FOXP2: variants seen among roughly 807,000 people sequenced by gnomAD.
FOXP2 encodes forkhead box P2.
A neutral mutation model predicts 115.8 loss-of-function variants in FOXP2; 12 were observed. The observed-to-expected ratio is 0.10, with a 90% CI of 0.07 to 0.17. FOXP2 has a LOEUF of 0.17. Among genes scored for constraint, FOXP2 ranks in the 10% least tolerant of loss-of-function variants. FOXP2 has a pLI of 1.00. For missense variants in FOXP2, 629 were observed against 843.5 expected, an observed-to-expected ratio of 0.75 and a Z score of 3.15; for synonymous variants, 328 against 297.7, an observed-to-expected ratio of 1.10 and a Z score of -1.05.
intron 1 of FOXP2, among the ~76,000 whole-genome samples, chr7:114,148,770 C>T (rs1398329567): frequency 6.6e-6 from 1 of 152,102 alleles, no homozygotes; most frequent in Non-Finnish European, 1.5e-5. Context: ...TCTTATGTTC[C>T]TTTTTCTTCA....
At chr7:114,220,107 G>C (rs1465100850) in intron 1 of FOXP2, among the ~76,000 whole-genome samples, 1 of 150,106 alleles carries the variant, frequency 6.7e-6, no homozygotes, top group Non-Finnish European at 1.5e-5. Context: ...CTGACCTTGT[G>C]ATCCGCCTGC....
At chr7:114,505,451 T>C (rs1357187782) in intron 2 of FOXP2, among the ~76,000 whole-genome samples, 1 of 151,524 alleles carries the variant, frequency 6.6e-6, no homozygotes, top group East Asian at 1.9e-4. Flanking sequence ...TCATTCCTTT[T>C]AATTATTTTA....
Position 114,658,794 on chromosome 7 carries a change from T to C in FOXP2, c.1468+527T>C, listed in dbSNP as rs564176264. 9.9e-5 allele frequency among the ~76,000 whole-genome samples: 15 copies of C among 152,270 alleles called. No homozygotes were observed. The Middle Eastern group carries it at 0.014, about 138-fold the overall frequency. ...TTGCATGGAACACAAATTTACCTTC[T>C]TTCCCTCTCTTACCCTTCTCCCTTC... On this transcript the variant is annotated intron_variant, in intron 11 of 16. Coordinates refer to ENST00000350908, the MANE Select transcript of FOXP2 (RefSeq NM_014491.4).
intron 2 of FOXP2, among the ~76,000 whole-genome samples, chr7:114,468,118 G>T (rs1458146914): frequency 2.0e-5 from 3 of 152,118 alleles, no homozygotes; most frequent in East Asian, 1.9e-4. Flanking sequence ...CTGTTTATGA[G>T]AATTTTCCCT....
chr7:114,183,684 A>G (rs1288992004), intron 1 of FOXP2, among the ~76,000 whole-genome samples: 5 of 152,186 alleles, frequency 3.3e-5, no homozygotes, highest in African/African-American at 9.6e-5. Flanking sequence ...TGTGTATTGT[A>G]CATGATATCA....
chr7:114,610,221 CTT>C (rs1368486225), intron 3 of FOXP2, among the ~76,000 whole-genome samples: 2 of 152,152 alleles, frequency 1.3e-5, no homozygotes, highest in Non-Finnish European at 2.9e-5. Flanking sequence ...TGTTGGGAGA[CTT>C]AGATTATTTA....
chr7:114,115,236 A>C (rs1460370616), intron 1 of FOXP2, among the ~76,000 whole-genome samples: 1 of 152,064 alleles, frequency 6.6e-6, no homozygotes, highest in Non-Finnish European at 1.5e-5. Context: ...TGCCTACCAG[A>C]ATGCAGGCAC....
chr7:114,687,144 AT>A, intron 16 of FOXP2, among the ~76,000 whole-genome samples: 1 of 152,156 alleles, frequency 6.6e-6, no homozygotes, highest in Non-Finnish European at 1.5e-5. Flanking sequence ...TTTTATATTG[AT>A]TAAGCGTTAT....
At chr7:114,564,707 C>G (rs944268076) in intron 3 of FOXP2, among the ~76,000 whole-genome samples, 2 of 151,824 alleles carry the variant, frequency 1.3e-5, no homozygotes, top group African/African-American at 4.8e-5. Context: ...TAGTGAGACC[C>G]TGTCTCTACA....
At chr7:114,321,000 T>G (rs796589531) in intron 2 of FOXP2, among the ~76,000 whole-genome samples, 1 of 152,146 alleles carries the variant, frequency 6.6e-6, no homozygotes. Flanking sequence ...TAATTTGCTT[T>G]GGATTATTTC....
chr7:114,562,496 A>T (rs760208388), intron 3 of FOXP2, among the ~76,000 whole-genome samples: 8 of 151,938 alleles, frequency 5.3e-5, no homozygotes, highest in Non-Finnish European at 1.0e-4. Flanking sequence ...TCTCATCTCT[A>T]CTCCCAAAAC....
At chr7:114,536,550 C>T (rs1799409751) in intron 3 of FOXP2, among the ~76,000 whole-genome samples, 1 of 151,094 alleles carries the variant, frequency 6.6e-6, no homozygotes, top group African/African-American at 2.4e-5. Context: ...GTTTGTTTAT[C>T]AATGCAGAAG....
At chr7:114,300,034 T>A (rs972368533) in intron 2 of FOXP2, among the ~76,000 whole-genome samples, 4 of 142,158 alleles carry the variant, frequency 2.8e-5, no homozygotes, top group African/African-American at 1.1e-4. Flanking sequence ...TTACACACAC[T>A]CACACACACA....
chr7:114,441,805 G>A (rs1794618630), intron 2 of FOXP2, among the ~76,000 whole-genome samples: 1 of 152,138 alleles, frequency 6.6e-6, no homozygotes, highest in Non-Finnish European at 1.5e-5. Context: ...ATACCACACT[G>A]AGATACTACT....
intron 2 of FOXP2, among the ~76,000 whole-genome samples, chr7:114,338,457 TATTAAA>T (rs1476185779): frequency 6.6e-6 from 1 of 150,994 alleles, no homozygotes; most frequent in African/African-American, 2.4e-5. Flanking sequence ...TAATAGTAAA[TATTAAA>T]ATTATCATTT....
At chr7:114,160,320 C>G (rs143656276), upstream of FOXP2, among the ~76,000 whole-genome samples, 29 of 152,034 alleles carry the variant, frequency 1.9e-4, no homozygotes, top group East Asian at 3.9e-3. Flanking sequence ...ACTTCTGAGG[C>G]CTTCATTTTG....
In FOXP2 at chr7:114,591,620, C is replaced by T. The variant is rs192817347; in HGVS notation, c.259-36920C>T. Reference sequence around the variant, plus strand: ...GTCTGTCATGTGCTATGTGTATGACCTCAGGGAAGGCATTTTCTTTCTCTG... The same window carrying T: ...GTCTGTCATGTGCTATGTGTATGACTTCAGGGAAGGCATTTTCTTTCTCTG... On this transcript the variant is annotated intron_variant, in intron 3 of 16. Coordinates refer to ENST00000350908, the MANE Select transcript of FOXP2 (RefSeq NM_014491.4). 7.2e-5 allele frequency among the ~76,000 whole-genome samples: 11 copies of T among 151,932 alleles called. No homozygotes were observed. The East Asian group carries it at 2.1e-3, about 29-fold the overall frequency.
intron 1 of FOXP2, among the ~76,000 whole-genome samples, chr7:114,247,793 AG>A (rs1392368640): frequency 6.6e-6 from 1 of 152,202 alleles, no homozygotes; most frequent in African/African-American, 2.4e-5. Flanking sequence ...AATAGTACGA[AG>A]GGGTGAATGA....
Position 114,689,820 on chromosome 7 carries a change from A to G in FOXP2, c.2042A>G (p.Glu681Gly). Residue 681 changes from glutamate (E) to glycine (G), a missense_variant, in exon 17 of 17, where the codon GAG (glutamate) becomes GGG (glycine). Glu to Gly is a moderately conservative substitution (Grantham distance 98). This residue lies in a region of FOXP2 where 117 missense variants were observed against 112.3 expected (regional missense o/e 1.04). Transcript: ENST00000350908. ...IHVKEEPVIAEDEDCPMSLVT... is the reference protein window; with the variant it reads ...IHVKEEPVIAGDEDCPMSLVT... ...GTCAAGGAAGAGCCAGTGATTGCAG[A>G]GGATGAAGACTGCCCAATGTCCTTA... 1 of 1,613,528 alleles carries G rather than the reference A, an allele frequency of 6.2e-7. No individual in the cohort carries two copies. Among genetic ancestry groups the G allele is most frequent in the Non-Finnish European group, 8.5e-7 (1 of 1,179,554 alleles).
Sources: gnomAD v4.1 joint callset for allele counts (sites outside exome capture counted in the v4.1 genomes callset) on GRCh38, gnomAD v4.1.1 for gene constraint, gnomAD v4.1.1 regional missense constraint, MANE v1.5 for transcripts, NCBI Gene and HGNC (gene_info 2026-07-23, HGNC 2026-07-21) for gene names.